KCTD3: variants seen among roughly 807,000 people sequenced by gnomAD.
KCTD3 encodes the protein BTB/POZ domain-containing protein KCTD3.
KCTD3 carries 41 observed loss-of-function variants against 85.8 expected under a neutral mutation model. That is an observed-to-expected ratio of 0.48 (90% CI 0.37 to 0.62). The LOEUF is 0.62. Ranked by LOEUF, KCTD3 falls within the 20% of genes least tolerant of loss-of-function variation. KCTD3 has a pLI of 0.00. For synonymous variants in KCTD3, 338 were observed against 345.4 expected, an observed-to-expected ratio of 0.98 and a Z score of 0.24; for missense variants, 724 against 989.9, an observed-to-expected ratio of 0.73 and a Z score of 3.60.
chr1:215,614,285 C>G (rs1241570994), intron 15 of KCTD3, among the ~76,000 whole-genome samples: 2 of 152,028 alleles, frequency 1.3e-5, no homozygotes, highest in Non-Finnish European at 2.9e-5. Context: ...CTCACCTCCG[C>G]CTCCCAAAGT....
At chr1:215,596,290 A>T (rs1481217720) in intron 10 of KCTD3, among the ~76,000 whole-genome samples, 1 of 152,164 alleles carries the variant, frequency 6.6e-6, no homozygotes. Flanking sequence ...TAGATTGATT[A>T]ATATGTTTAC....
At chr1:215,575,049 C>T (rs367580174) in intron 3 of KCTD3, among the ~76,000 whole-genome samples, 1 of 152,040 alleles carries the variant, frequency 6.6e-6, no homozygotes, top group East Asian at 1.9e-4. Context: ...GTCAGAAGTT[C>T]AAGACCAGCA....
intron 14 of KCTD3, among the ~76,000 whole-genome samples, chr1:215,611,449 A>C (rs1655233890): frequency 6.6e-6 from 1 of 152,048 alleles, no homozygotes; most frequent in African/African-American, 2.4e-5. Context: ...AAATCACTAC[A>C]TGAAATGACT....
intron 4 of KCTD3, among the ~76,000 whole-genome samples, chr1:215,576,882 A>AT (rs1193689798): frequency 6.6e-6 from 1 of 152,164 alleles, no homozygotes; most frequent in Non-Finnish European, 1.5e-5. Context: ...AGTTTTAAGC[A>AT]TTTTTAATGT....
chr1:215,582,330 G>T (rs533509539), intron 8 of KCTD3, among the ~76,000 whole-genome samples: 1 of 151,980 alleles, frequency 6.6e-6, no homozygotes, highest in South Asian at 2.1e-4. Context: ...TACAACTTGA[G>T]GTGAAGTATG....
At chr1:215,571,945 A>G (rs1210085358) in intron 1 of KCTD3, among the ~76,000 whole-genome samples, 6 of 152,210 alleles carry the variant, frequency 3.9e-5, no homozygotes, top group Non-Finnish European at 8.8e-5. Flanking sequence ...TAAACTTTTA[A>G]TTGTGATTGG....
At chr1:215,604,047 A>G (rs903788797) in intron 12 of KCTD3, 85 bp from the exon 13 acceptor site, 7 of 1,062,410 alleles carry the variant, frequency 6.6e-6, no homozygotes, top group East Asian at 2.5e-5. Context: ...AGCTCTGCCT[A>G]TTTTATCATA....
In KCTD3 at chr1:215,621,801, A is replaced by G. The variant is rs1209338937; in HGVS notation, c.*1183A>G. On this transcript the variant is annotated 3_prime_UTR_variant, in exon 18 of 18. Coordinates refer to ENST00000259154, the MANE Select transcript of KCTD3 (RefSeq NM_016121.5). Reference sequence around the variant, plus strand: ...TCAATTAAATCAAATAAAAATGATTATGTCAATGCGTTTTCAGTTATTTAA... The same window carrying G: ...TCAATTAAATCAAATAAAAATGATTGTGTCAATGCGTTTTCAGTTATTTAA... 6.6e-6 allele frequency: 1 copy of G among 152,554 alleles called. No individual in the cohort carries two copies. The highest frequency in any genetic ancestry group is 2.4e-5 in the African/African-American group (1 of 41,442). The allele number at this position is 152,554 out of a possible 1,614,324, so 9.5% of individuals were successfully genotyped here.
At chr1:215,589,939 T>C (rs986888451) in intron 9 of KCTD3, among the ~76,000 whole-genome samples, 13 of 152,218 alleles carry the variant, frequency 8.5e-5, no homozygotes, top group African/African-American at 3.1e-4. Flanking sequence ...TTTACTTTCT[T>C]AAGGTAAATA....
chr1:215,616,523 G>A (rs1480705692), intron 15 of KCTD3, among the ~76,000 whole-genome samples: 1 of 151,992 alleles, frequency 6.6e-6, no homozygotes, highest in Non-Finnish European at 1.5e-5. Context: ...CACTTTGGGA[G>A]GCTGAGGTGG....
At chr1:215,589,161 G>T (rs151274459) in intron 9 of KCTD3, among the ~76,000 whole-genome samples, 116 of 151,560 alleles carry the variant, frequency 7.7e-4, no homozygotes, top group African/African-American at 2.8e-3. Flanking sequence ...TCTGAGACAG[G>T]GTCTTGCTCT....
At chr1:215,615,669 T>A (rs2102606366) in intron 15 of KCTD3, among the ~76,000 whole-genome samples, 1 of 151,618 alleles carries the variant, frequency 6.6e-6, no homozygotes, top group African/African-American at 2.4e-5. Context: ...AGTTCAAAAT[T>A]ATGTTTGTTT....
chr1:215,578,870 A>C (rs903463502), intron 6 of KCTD3, 130 bp from the exon 7 acceptor site: 1 of 517,196 alleles, frequency 1.9e-6, no homozygotes, highest in Non-Finnish European at 3.4e-6. Flanking sequence ...ATTTGTAATA[A>C]TTTGCTATAT....
At chr1:215,569,990 T>C (rs1021434515) in intron 1 of KCTD3, among the ~76,000 whole-genome samples, 8 of 152,202 alleles carry the variant, frequency 5.3e-5, no homozygotes, top group African/African-American at 1.9e-4. Context: ...TTTCTAGATT[T>C]GCTTTGAATC....
At chr1:215,571,732 G>A (rs1454916943) in intron 1 of KCTD3, among the ~76,000 whole-genome samples, 1 of 150,756 alleles carries the variant, frequency 6.6e-6, no homozygotes, top group African/African-American at 2.4e-5. Context: ...CTGAGTTCAC[G>A]CCATTGTCCT....
intron 4 of KCTD3, among the ~76,000 whole-genome samples, chr1:215,576,675 C>A (rs941650543): frequency 1.1e-4 from 16 of 151,896 alleles, no homozygotes; most frequent in Admixed American, 2.0e-4. Flanking sequence ...TCACGCCATT[C>A]TCCTGCCTTA....
At chr1:215,583,501 C>CGTCCTGTT (rs1327004928) in intron 8 of KCTD3, among the ~76,000 whole-genome samples, 1 of 152,182 alleles carries the variant, frequency 6.6e-6, no homozygotes, top group African/African-American at 2.4e-5. Flanking sequence ...TTCTTTACTC[C>CGTCCTGTT]GTCCTGTTTT....
chr1:215,597,857 G>A (rs978312030), intron 10 of KCTD3, among the ~76,000 whole-genome samples: 27 of 152,044 alleles, frequency 1.8e-4, no homozygotes, highest in Non-Finnish European at 3.1e-4. Context: ...GGCATCCTAG[G>A]AATCCTAGGC....
At chr1:215,615,680 T>C (rs563820626) in intron 15 of KCTD3, among the ~76,000 whole-genome samples, 1 of 152,052 alleles carries the variant, frequency 6.6e-6, no homozygotes, top group East Asian at 1.9e-4. Flanking sequence ...ATGTTTGTTT[T>C]GTGGAAGCAG....
Sources: allele counts gnomAD v4.1 joint callset (sites outside exome capture counted in the v4.1 genomes callset), GRCh38; gene constraint gnomAD v4.1.1; transcripts MANE v1.5; gene names NCBI Gene and HGNC (gene_info 2026-07-23, HGNC 2026-07-21).